ANK3: variants seen among roughly 807,000 people sequenced by gnomAD.
The protein encoded by ANK3 is ankyrin 3.
In ANK3, 57 loss-of-function variants were observed where a neutral mutation model predicts 370.9. The ratio of observed to expected loss-of-function variants is 0.15; its 90% confidence interval spans 0.12 to 0.19. The LOEUF is 0.19. ANK3 is among the 10% of genes least tolerant of loss of function. The probability of loss-of-function intolerance (pLI) is 1.00; values close to 1 mark genes in which losing one functional copy is unlikely to be tolerated. For synonymous variants in ANK3, 1,929 were observed against 1,946.3 expected, an observed-to-expected ratio of 0.99 and a Z score of 0.23; for missense variants, 4,439 against 5,302.1, an observed-to-expected ratio of 0.84 and a Z score of 5.06.
At chr10:60,279,192 T>C (rs1406689037) in intron 2 of ANK3, 44 bp from the exon 3 acceptor site, 1 of 1,563,606 alleles carries the variant, frequency 6.4e-7, no homozygotes, top group Non-Finnish European at 8.8e-7. Context: ...AGGTTGAAAA[T>C]AGAGCAGTAA....
chr10:60,268,924 T>C (rs2097919679), intron 5 of ANK3, among the ~76,000 whole-genome samples: 1 of 152,212 alleles, frequency 6.6e-6, no homozygotes, highest in Non-Finnish European at 1.5e-5. Flanking sequence ...TATGTTTGTT[T>C]GTGTATGTTT....
At chr10:60,527,775 G>A (rs562602929) in intron 2 of ANK3, among the ~76,000 whole-genome samples, 1 of 152,232 alleles carries the variant, frequency 6.6e-6, no homozygotes, top group South Asian at 2.1e-4. Flanking sequence ...CTCTTGCAAT[G>A]CAATCTAAAT....
chr10:60,693,537 A>T (rs925059091), intron 1 of ANK3, among the ~76,000 whole-genome samples: 1 of 152,246 alleles, frequency 6.6e-6, no homozygotes, highest in African/African-American at 2.4e-5. Context: ...TTCTCCCAGT[A>T]TGCAGCTGGA....
chr10:60,307,688 T>A (rs747060949), intron 1 of ANK3, among the ~76,000 whole-genome samples: 12 of 152,080 alleles, frequency 7.9e-5, no homozygotes, highest in Non-Finnish European at 1.3e-4. Context: ...GAACCTAGAA[T>A]GTTGTGTGAT....
intron 42 of ANK3, among the ~76,000 whole-genome samples, chr10:60,047,950 CTT>C (rs1406445456): frequency 1.3e-5 from 2 of 152,176 alleles, no homozygotes; most frequent in Admixed American, 6.5e-5. Context: ...ATTTTGTTGA[CTT>C]GACTCATTCT....
chr10:60,104,304 G>C (rs1390900788), intron 28 of ANK3, among the ~76,000 whole-genome samples: 1 of 135,776 alleles, frequency 7.4e-6, no homozygotes, highest in Non-Finnish European at 1.5e-5. Context: ...GTTGCAGTGA[G>C]CTGAGATTGT....
chr10:60,305,904 A>T (rs2044944024), intron 1 of ANK3, among the ~76,000 whole-genome samples: 2 of 152,206 alleles, frequency 1.3e-5, no homozygotes. Context: ...CCGCTTTCAC[A>T]GTCGGATATG....
chr10:60,637,450 A>C (rs1161682086), intron 1 of ANK3, among the ~76,000 whole-genome samples: 2 of 152,230 alleles, frequency 1.3e-5, no homozygotes, highest in African/African-American at 4.8e-5. Flanking sequence ...GGAAACTGGT[A>C]CAATCTTTCT....
chr10:60,621,400 G>T (rs1462474835), intron 1 of ANK3, among the ~76,000 whole-genome samples: 1 of 152,138 alleles, frequency 6.6e-6, no homozygotes, highest in African/African-American at 2.4e-5. Context: ...ACAGAGCTCA[G>T]AAAGTACAGA....
chr10:60,715,340 T>G (rs2132018957), intron 1 of ANK3, among the ~76,000 whole-genome samples: 1 of 151,902 alleles, frequency 6.6e-6, no homozygotes, highest in East Asian at 1.9e-4. Flanking sequence ...CACAAAGAGG[T>G]GTGTCACTGT....
chr10:60,211,578 G>A (rs1221617831), intron 9 of ANK3, among the ~76,000 whole-genome samples: 1 of 152,112 alleles, frequency 6.6e-6, no homozygotes, highest in Non-Finnish European at 1.5e-5. Context: ...AGCCTGATAA[G>A]CAGTAATCAC....
At chr10:60,129,472 C>T (rs986689331) in intron 25 of ANK3, among the ~76,000 whole-genome samples, 6 of 152,158 alleles carry the variant, frequency 3.9e-5, no homozygotes, top group African/African-American at 1.4e-4. Context: ...CTCCAGGTGG[C>T]CGGGCATGGT....
chr10:60,201,839 G>A (rs1032337992), intron 12 of ANK3, among the ~76,000 whole-genome samples: 1 of 151,454 alleles, frequency 6.6e-6, no homozygotes, highest in Non-Finnish European at 1.5e-5. Context: ...AGCCTCCTGA[G>A]TAGTTGGAAT....
intron 42 of ANK3, chr10:60,050,799 T>TAATA (rs2077801503): frequency 2.0e-5 from 3 of 152,148 alleles, no homozygotes; most frequent in Non-Finnish European, 4.4e-5. Flanking sequence ...AATTGTGCCG[T>TAATA]AATAGGGAAG....
chr10:60,525,090 C>T (rs1003663907), intron 2 of ANK3, among the ~76,000 whole-genome samples: 4 of 152,024 alleles, frequency 2.6e-5, no homozygotes, highest in Non-Finnish European at 5.9e-5. Context: ...AAATTCCAAC[C>T]CATAGGACAG....
chr10:60,644,245 G>C (rs74750382), intron 1 of ANK3, among the ~76,000 whole-genome samples: 1 of 152,258 alleles, frequency 6.6e-6, no homozygotes, highest in African/African-American at 2.4e-5. Flanking sequence ...CTTGATAGAA[G>C]TGCCCAGAGA....
rs749066468 is a variant in ANK3, at chr10:60,198,411, C to T, written c.1618G>A (p.Ala540Thr). ...TSGYTPLHLSAREGHEDVAAF... is the reference protein window; with the variant it reads ...TSGYTPLHLSTREGHEDVAAF... The stretch of plus-strand genomic sequence containing the variant: ...GCCACATCCTCATGCCCCTCTCGGG[C>T]GGAAAGGTGAAGTGGGGTGTACCCA... The change falls in exon 14 of 44, where the codon GCC (alanine) becomes ACC (threonine). Residue 540 changes from alanine (A) to threonine (T), a missense_variant. Physicochemically the swap from Ala to Thr is moderately conservative, Grantham distance 58. Coordinates refer to ENST00000280772, the MANE Select transcript of ANK3 (RefSeq NM_020987.5). 12 of 1,614,042 alleles carry T rather than the reference C, an allele frequency of 7.4e-6. No homozygotes were observed. Among genetic ancestry groups the T allele is most frequent in the Admixed American group, 1.7e-5 (1 of 60,012 alleles).
intron 34 of ANK3, 143 bp from the exon 35 acceptor site, chr10:60,082,319 AC>A: frequency 2.4e-6 from 2 of 824,346 alleles, no homozygotes; most frequent in Non-Finnish European, 3.8e-6. Context: ...AAAAAAGCCA[AC>A]AAAAAATATC....
chr10:60,394,575 C>T (rs2063177053), upstream of ANK3, among the ~76,000 whole-genome samples: 1 of 152,170 alleles, frequency 6.6e-6, no homozygotes, highest in Non-Finnish European at 1.5e-5. Context: ...CAGGAACAGG[C>T]ACATGAGGAG....
Sources: gnomAD v4.1 joint callset for allele counts (sites outside exome capture counted in the v4.1 genomes callset) on GRCh38, gnomAD v4.1.1 for gene constraint, MANE v1.5 for transcripts, NCBI Gene and HGNC (gene_info 2026-07-23, HGNC 2026-07-21) for gene names.